FBXL7: variants seen among roughly 807,000 people sequenced by gnomAD.
FBXL7 encodes the protein F-box/LRR-repeat protein 7.
In FBXL7, 12 loss-of-function variants were observed where a neutral mutation model predicts 38.3. That is an observed-to-expected ratio of 0.31 (90% CI 0.20 to 0.51). The LOEUF is 0.51. Among genes scored for constraint, FBXL7 ranks in the 20% least tolerant of loss-of-function variants. The probability of loss-of-function intolerance (pLI) is 0.98; values close to 1 mark genes in which losing one functional copy is unlikely to be tolerated. For synonymous variants in FBXL7, 297 were observed against 300.9 expected (o/e 0.99, Z 0.13); for missense variants, 567 against 676.4 (o/e 0.84, Z 1.79).
At chr5:15,875,508 A>T in intron 2 of FBXL7, among the ~76,000 whole-genome samples, 1 of 152,202 alleles carries the variant, frequency 6.6e-6, no homozygotes, top group East Asian at 1.9e-4. Context: ...CATCCATCTG[A>T]CAAAGAGCTA....
At chr5:15,507,586 T>C (rs1736681057) in intron 1 of FBXL7, among the ~76,000 whole-genome samples, 1 of 152,226 alleles carries the variant, frequency 6.6e-6, no homozygotes, top group South Asian at 2.1e-4. Flanking sequence ...CTAGGTATTA[T>C]GCATTTTAAG....
At chr5:15,608,120 C>T (rs1428136582) in intron 1 of FBXL7, among the ~76,000 whole-genome samples, 2 of 151,974 alleles carry the variant, frequency 1.3e-5, no homozygotes, top group African/African-American at 2.4e-5. Flanking sequence ...TATCATTTAT[C>T]TAATAGTAAA....
At chr5:15,878,809 TTTCC>T (rs1740320569) in intron 2 of FBXL7, among the ~76,000 whole-genome samples, 1 of 152,212 alleles carries the variant, frequency 6.6e-6, no homozygotes, top group African/African-American at 2.4e-5. Context: ...TCATATATTC[TTTCC>T]TAGCCTCCTT....
intron 2 of FBXL7, among the ~76,000 whole-genome samples, chr5:15,722,231 A>G (rs562674968): frequency 2.0e-5 from 3 of 152,292 alleles, no homozygotes; most frequent in African/African-American, 7.2e-5. Flanking sequence ...GTTTTTTACT[A>G]TTATAAAAAT....
At chr5:15,800,320 C>T (rs749399317) in intron 2 of FBXL7, among the ~76,000 whole-genome samples, 9 of 152,148 alleles carry the variant, frequency 5.9e-5, no homozygotes, top group Non-Finnish European at 2.9e-5. Context: ...TGAAGGGAGA[C>T]ACCATCCAAG....
intron 1 of FBXL7, among the ~76,000 whole-genome samples, chr5:15,503,149 G>A (rs181100146): frequency 3.9e-5 from 6 of 152,270 alleles, no homozygotes; most frequent in East Asian, 1.9e-4. Flanking sequence ...GGTCGGGCGC[G>A]GTGGCCCACA....
intron 2 of FBXL7, among the ~76,000 whole-genome samples, chr5:15,809,753 G>A (rs770822370): frequency 7.2e-5 from 11 of 152,162 alleles, no homozygotes; most frequent in African/African-American, 1.4e-4. Flanking sequence ...AGAACTCTGA[G>A]GCACTAAGCT....
At chr5:15,725,121 T>G (rs1026503436) in intron 2 of FBXL7, among the ~76,000 whole-genome samples, 2 of 152,224 alleles carry the variant, frequency 1.3e-5, no homozygotes, top group Admixed American at 1.3e-4. Flanking sequence ...TTTTCTAGTA[T>G]TTTTTCCATT....
At chr5:15,683,185 C>G (rs2126612366) in intron 2 of FBXL7, among the ~76,000 whole-genome samples, 1 of 152,242 alleles carries the variant, frequency 6.6e-6, no homozygotes, top group Non-Finnish European at 1.5e-5. Context: ...AGACCTAAAA[C>G]TTGTCTTGTG....
intron 1 of FBXL7, among the ~76,000 whole-genome samples, chr5:15,567,393 G>T (rs1049603444): frequency 1.1e-4 from 16 of 152,014 alleles, no homozygotes; most frequent in Admixed American, 2.6e-4. Flanking sequence ...AAGCTGTAAA[G>T]TAGAATATTA....
At chr5:15,532,467 T>C (rs1737458463) in intron 1 of FBXL7, among the ~76,000 whole-genome samples, 1 of 152,256 alleles carries the variant, frequency 6.6e-6, no homozygotes, top group African/African-American at 2.4e-5. Context: ...CATGAGATTG[T>C]ATTCTGATGG....
chr5:15,879,380 G>A (rs757810955), intron 2 of FBXL7, among the ~76,000 whole-genome samples: 4 of 152,132 alleles, frequency 2.6e-5, no homozygotes, highest in South Asian at 2.1e-4. Flanking sequence ...TGAAGAACAC[G>A]TGTCCCTAGG....
intron 2 of FBXL7, among the ~76,000 whole-genome samples, chr5:15,690,644 G>A (rs964547542): frequency 2.6e-5 from 4 of 152,154 alleles, no homozygotes; most frequent in East Asian, 1.9e-4. Flanking sequence ...AATTCTCAAC[G>A]TGGATGAACC....
chr5:15,787,935 A>G (rs1737172731), intron 2 of FBXL7, among the ~76,000 whole-genome samples: 1 of 152,182 alleles, frequency 6.6e-6, no homozygotes, highest in African/African-American at 2.4e-5. Flanking sequence ...TCACAGTTCT[A>G]GAGGCTGGAG....
chr5:15,558,737 T>C (rs1738324915), intron 1 of FBXL7, among the ~76,000 whole-genome samples: 2 of 152,244 alleles, frequency 1.3e-5, no homozygotes, highest in Non-Finnish European at 2.9e-5. Context: ...GTAAGATTCA[T>C]TTTATAGAGA....
chr5:15,866,563 T>C (rs1188854596), intron 2 of FBXL7, among the ~76,000 whole-genome samples: 1 of 151,856 alleles, frequency 6.6e-6, no homozygotes, highest in African/African-American at 2.4e-5. Flanking sequence ...TAAAAAAAAA[T>C]GGGATACATG....
intron 1 of FBXL7, among the ~76,000 whole-genome samples, chr5:15,602,701 A>G (rs752710801): frequency 5.9e-5 from 9 of 152,210 alleles, no homozygotes; most frequent in Non-Finnish European, 1.2e-4. Context: ...TTGGACAAGT[A>G]TCTTCAGATC....
intron 2 of FBXL7, among the ~76,000 whole-genome samples, chr5:15,897,117 A>G (rs1316902944): frequency 4.6e-5 from 7 of 152,150 alleles, no homozygotes; most frequent in Non-Finnish European, 7.3e-5. Context: ...TGGGTGATGG[A>G]GTGAGACTCT....
At chr5:15,556,771 T>C (rs1309792039) in intron 1 of FBXL7, among the ~76,000 whole-genome samples, 1 of 152,186 alleles carries the variant, frequency 6.6e-6, no homozygotes, top group Admixed American at 6.5e-5. Flanking sequence ...GTTTTTTGAC[T>C]GTGGCAAATA....
Sources: gnomAD v4.1 joint callset for allele counts (sites outside exome capture counted in the v4.1 genomes callset) on GRCh38, gnomAD v4.1.1 for gene constraint, MANE v1.5 for transcripts, NCBI Gene and HGNC (gene_info 2026-07-23, HGNC 2026-07-21) for gene names.